FAM78A: variants seen among roughly 807,000 people sequenced by gnomAD.
The protein encoded by FAM78A is protein FAM78A.
A neutral mutation model predicts 22.6 loss-of-function variants in FAM78A; 12 were observed. The observed-to-expected ratio is 0.53, with a 90% CI of 0.34 to 0.86. The LOEUF (loss-of-function observed/expected upper bound fraction) is 0.86, where lower values mean the gene tolerates loss of function less well. Ranked by LOEUF, FAM78A falls within the 40% of genes least tolerant of loss-of-function variation. The probability of loss-of-function intolerance (pLI) is 0.02; values close to 1 mark genes in which losing one functional copy is unlikely to be tolerated. For synonymous variants in FAM78A, 151 were observed against 155.8 expected (o/e 0.97, Z 0.23); for missense variants, 322 against 396.1 (o/e 0.81, Z 1.59).
chr9:131,260,676 C>T lies in FAM78A; in HGVS notation c.*146G>A. On this transcript the variant is annotated 3_prime_UTR_variant, in exon 2 of 2. Coordinates refer to ENST00000372271, the MANE Select transcript of FAM78A (RefSeq NM_033387.4). The surrounding 1 kb of genome is among the most constrained non-coding windows in gnomAD (Gnocchi z 5.4). ...AGCAGGTGCCGAGAGCCGGGGAGGCCTTCCCGGGGGCATCAGCACAGTGAG... is the reference window on the plus strand; with the variant it reads ...AGCAGGTGCCGAGAGCCGGGGAGGCTTTCCCGGGGGCATCAGCACAGTGAG... 1 of 1,022,182 alleles carries T rather than the reference C, an allele frequency of 9.8e-7. No homozygotes were observed. Among genetic ancestry groups the T allele is most frequent in the Non-Finnish European group, 1.4e-6 (1 of 739,062 alleles). The allele number at this position is 1,022,182 out of a possible 1,614,324, so 63.3% of individuals were successfully genotyped here.
upstream of FAM78A, among the ~76,000 whole-genome samples, chr9:131,277,302 C>T (rs1199592748): frequency 1.1e-4 from 17 of 152,104 alleles, no homozygotes; most frequent in East Asian, 3.3e-3. The surrounding 1 kb of genome is among the most constrained non-coding windows in gnomAD (Gnocchi z 8.4). Context: ...CCTTCCCCAC[C>T]CCGGTCCCTC....
At chr9:131,263,239 CAAAAAAA>C (rs35417885) in intron 1 of FAM78A, among the ~76,000 whole-genome samples, 1 of 106,040 alleles carries the variant, frequency 9.4e-6, no homozygotes, top group Admixed American at 1.0e-4. Context: ...GACTCCATCT[CAAAAAAA>C]AAAAAAAAGA....
At chr9:131,266,152 C>T (rs1335081187) in intron 1 of FAM78A, among the ~76,000 whole-genome samples, 2 of 152,128 alleles carry the variant, frequency 1.3e-5, no homozygotes, top group African/African-American at 4.8e-5. Context: ...CTGCCTCCAC[C>T]ATGGCCTTAC....
At chr9:131,280,675 A>G (rs952461846), upstream of FAM78A, among the ~76,000 whole-genome samples, 3 of 152,174 alleles carry the variant, frequency 2.0e-5, no homozygotes, top group Non-Finnish European at 4.4e-5. Flanking sequence ...TGGCCCAGAG[A>G]AGTCATGAAA....
chr9:131,272,023 G>T lies in FAM78A; in HGVS notation c.323+3834C>A, dbSNP rs944717369. ...AAGTCAGGGTATTATTGAGATGGTG[G>T]TTTTTTTTTTTAATTGTTCCATTTC... On this transcript the variant is annotated intron_variant, in intron 1 of 1. Coordinates refer to ENST00000372271, the MANE Select transcript of FAM78A (RefSeq NM_033387.4). This position sits in a 1 kb window ranked among gnomAD's most constrained non-coding sequence, Gnocchi z 4.1. Among the ~76,000 whole-genome samples the T allele has an allele frequency of 4.1e-5, 6 of 147,752 alleles. No individual in the cohort carries two copies. The highest frequency in any genetic ancestry group is 6.8e-5 in the Admixed American group (1 of 14,784).
At chr9:131,270,419 G>A in intron 1 of FAM78A, 1 of 717,602 alleles carries the variant, frequency 1.4e-6, no homozygotes. Flanking sequence ...TATGTAACTT[G>A]TCATTTCCCT....
intron 1 of FAM78A, chr9:131,270,305 C>T: frequency 1.4e-6 from 1 of 717,612 alleles, no homozygotes; most frequent in South Asian, 1.5e-5. Flanking sequence ...CCTCAACTGT[C>T]CTCCCACAAA....
chr9:131,276,777 G>A (rs1273016581), upstream of FAM78A, among the ~76,000 whole-genome samples: 1 of 151,092 alleles, frequency 6.6e-6, no homozygotes, highest in African/African-American at 2.4e-5. The surrounding 1 kb of genome is among the most constrained non-coding windows in gnomAD (Gnocchi z 4.3). Context: ...CGCCGGTGAC[G>A]GGGGAGCGCG....
rs554818509 is a variant in FAM78A at position 131,261,164 on chromosome 9, C to T, written c.510G>A (p.Val170=). 26 of 1,613,926 alleles carry T rather than the reference C, an allele frequency of 1.6e-5. 1 individual carries two copies. Among genetic ancestry groups the T allele is most frequent in the African/African-American group, 1.6e-4 (12 of 74,900 alleles). ...TGGCCACGTTGCTCTCGCTGACGGG[C>T]ACGGCCCATGTGACGCTGGGGTAAA... The part of the protein sequence containing the change: ...DNFYPSVTWA[V]PVSESNVAKL... The change falls in exon 2 of 2, where the codon GTG becomes GTA. Residue 170 remains valine (V), a synonymous_variant. Transcript: ENST00000372271. This position sits in a 1 kb window ranked among gnomAD's most constrained non-coding sequence, Gnocchi z 7.1.
chr9:131,267,697 C>T (rs754558063), intron 1 of FAM78A, among the ~76,000 whole-genome samples: 3 of 152,172 alleles, frequency 2.0e-5, no homozygotes, highest in Non-Finnish European at 4.4e-5. Flanking sequence ...TATTATCCCA[C>T]CTCCTACAAG....
At position 131,265,528 on chromosome 9, in the gene FAM78A, C is replaced by T. The variant is rs555447792; in HGVS notation, c.324-4178G>A. On this transcript the variant is annotated intron_variant, in intron 1 of 1. Coordinates refer to ENST00000372271, the MANE Select transcript of FAM78A (RefSeq NM_033387.4). This position sits in a 1 kb window ranked among gnomAD's most constrained non-coding sequence, Gnocchi z 4.3. ...CCTCTCACAGTGCTGGGATTACAGG[C>T]GTGAGCCACCATGCCCGGCCTAATT... 4.0e-4 allele frequency among the ~76,000 whole-genome samples: 61 copies of T among 152,324 alleles called. No homozygotes were observed. The highest frequency in any genetic ancestry group is 1.3e-3 in the African/African-American group (56 of 41,572).
Position 131,260,681 on chromosome 9 carries a change from CG to C in FAM78A, c.*140del. On this transcript the variant is annotated 3_prime_UTR_variant, in exon 2 of 2. Coordinates refer to ENST00000372271, the MANE Select transcript of FAM78A (RefSeq NM_033387.4). The surrounding 1 kb of genome is among the most constrained non-coding windows in gnomAD (Gnocchi z 5.4). ...GTGCCGAGAGCCGGGGAGGCCTTCC[CG>C]GGGGCATCAGCACAGTGAGATCCGC... 9.4e-7 allele frequency: 1 copy of C among 1,069,348 alleles called. No homozygotes were observed. Among genetic ancestry groups the C allele is most frequent in the Non-Finnish European group, 1.3e-6 (1 of 780,242 alleles). The allele number at this position is 1,069,348 out of a possible 1,614,324, so 66.2% of individuals were successfully genotyped here.
Position 131,272,383 on chromosome 9 carries a change from C to A in FAM78A, c.323+3474G>T, listed in dbSNP as rs1412679108. The stretch of plus-strand genomic sequence containing the variant: ...CTGGGGACATTATTGACTGTCACAG[C>A]TTGCGGGGATGTGCTCCTGGCATGG... On this transcript the variant is annotated intron_variant, in intron 1 of 1. Transcript: ENST00000372271. This position sits in a 1 kb window ranked among gnomAD's most constrained non-coding sequence, Gnocchi z 4.1. 1.3e-5 allele frequency among the ~76,000 whole-genome samples: 2 copies of A among 152,224 alleles called. No individual in the cohort carries two copies. Among genetic ancestry groups the A allele is most frequent in the Non-Finnish European group, 2.9e-5 (2 of 68,038 alleles).
upstream of FAM78A, among the ~76,000 whole-genome samples, chr9:131,278,134 C>A (rs564038539): frequency 1.3e-5 from 2 of 151,612 alleles, no homozygotes; most frequent in Admixed American, 6.6e-5. Context: ...CCGCCCTCCC[C>A]CTGGTAATCC....
chr9:131,260,655 G>A lies in FAM78A; in HGVS notation c.*167C>T. On this transcript the variant is annotated 3_prime_UTR_variant, in exon 2 of 2. Coordinates refer to ENST00000372271, the MANE Select transcript of FAM78A (RefSeq NM_033387.4). The surrounding 1 kb of genome is among the most constrained non-coding windows in gnomAD (Gnocchi z 5.4). ...TCTCCCCTCTCCCTGAAAGGAAGCA[G>A]GTGCCGAGAGCCGGGGAGGCCTTCC... is the stretch of plus-strand genomic sequence containing the variant. 1.4e-6 allele frequency: 1 copy of A among 703,950 alleles called. No homozygotes were observed. The highest frequency in any genetic ancestry group is 2.2e-6 in the Non-Finnish European group (1 of 457,516). 43.6% of individuals were successfully genotyped at this position (703,950 alleles called of 1,614,324 possible).
In FAM78A at chr9:131,259,373, C is replaced by T. The variant is rs1190250925; in HGVS notation, c.*1449G>A. On this transcript the variant is annotated 3_prime_UTR_variant, in exon 2 of 2. Transcript: ENST00000372271. ...ATGGGCTTCCAGACGTCTGTCCTCA[C>T]CTGTTGCTCTCCACTGTGCCAGCCC... is the stretch of plus-strand genomic sequence containing the variant. The T allele has an allele frequency of 6.6e-6, 1 of 152,432 alleles. No individual in the cohort carries two copies. Among genetic ancestry groups the T allele is most frequent in the Non-Finnish European group, 1.5e-5 (1 of 68,204 alleles). The allele number at this position is 152,432 out of a possible 1,614,324, so 9.4% of individuals were successfully genotyped here.
chr9:131,261,123 T>C lies in FAM78A; in HGVS notation c.551A>G (p.Tyr184Cys). Residue 184 changes from tyrosine to cysteine, a missense_variant, in exon 2 of 2, where the codon TAC (tyrosine) becomes TGC (cysteine). Tyr to Cys is a radical substitution (Grantham distance 194). Transcript: ENST00000372271. This position sits in a 1 kb window ranked among gnomAD's most constrained non-coding sequence, Gnocchi z 7.1. ...ESNVAKLTNI[Y>C]RDQSFTTWLV... ...CCAGGTGGTGAAGCTCTGGTCCCGG[T>C]AGATATTGGTGAGCTTGGCCACGTT... is the stretch of plus-strand genomic sequence containing the variant. The C allele has an allele frequency of 1.2e-6, 2 of 1,614,078 alleles. No individual in the cohort carries two copies. The highest frequency in any genetic ancestry group is 1.7e-6 in the Non-Finnish European group (2 of 1,179,974).
chr9:131,271,130 C>A (rs1438760968), intron 1 of FAM78A, among the ~76,000 whole-genome samples: 1 of 151,906 alleles, frequency 6.6e-6, no homozygotes, highest in Non-Finnish European at 1.5e-5. Context: ...ACCTCAGCCT[C>A]CCAAGTAACT....
chr9:131,263,223 G>C (rs1209344088), intron 1 of FAM78A, among the ~76,000 whole-genome samples: 1 of 120,488 alleles, frequency 8.3e-6, no homozygotes, highest in Non-Finnish European at 1.7e-5. Context: ...TGGGCGATAA[G>C]AGCAAGACTC....
Sources: gnomAD v4.1 joint callset for allele counts (sites outside exome capture counted in the v4.1 genomes callset) on GRCh38, gnomAD v4.1.1 for gene constraint, Gnocchi (gnomAD v3.1) non-coding constraint, MANE v1.5 for transcripts, NCBI Gene and HGNC (gene_info 2026-07-23, HGNC 2026-07-21) for gene names.